The following CDYL variants were observed in gnomAD, a reference collection of about 807,000 sequenced individuals.
CDYL encodes chromodomain Y-like protein.
In CDYL, 8 loss-of-function variants were observed where a neutral mutation model predicts 47.3. The ratio of observed to expected loss-of-function variants is 0.17; its 90% CI spans 0.10 to 0.31. CDYL has a LOEUF of 0.31. Ranked by LOEUF, CDYL falls within the 10% of genes least tolerant of loss-of-function variation. The pLI is 1.00. For missense variants in CDYL, 471 were observed against 701.4 expected (o/e 0.67, Z 3.71); for synonymous variants, 266 against 265.0 (o/e 1.00, Z -0.04).
At chr6:4,953,638 G>A (rs1015766546) in intron 6 of CDYL, among the ~76,000 whole-genome samples, 32 of 152,342 alleles carry the variant, frequency 2.1e-4, no homozygotes, top group Admixed American at 9.1e-4. Context: ...GCGCGGGGCC[G>A]AGGCTGCTCA....
At chr6:4,917,995 C>G (rs1757603900) in intron 2 of CDYL, among the ~76,000 whole-genome samples, 1 of 152,050 alleles carries the variant, frequency 6.6e-6, no homozygotes, top group African/African-American at 2.4e-5. Context: ...ATGTATCTAC[C>G]CAAGATAGTA....
intron 1 of CDYL, among the ~76,000 whole-genome samples, chr6:4,835,361 C>T (rs1303285114): frequency 6.6e-6 from 1 of 152,186 alleles, no homozygotes; most frequent in Non-Finnish European, 1.5e-5. Context: ...GCCTGGGTAT[C>T]AGCAGTGGTG....
intron 1 of CDYL, among the ~76,000 whole-genome samples, chr6:4,782,132 A>T (rs1329099937): frequency 6.6e-6 from 1 of 152,074 alleles, no homozygotes; most frequent in East Asian, 1.9e-4. Context: ...TTCTTTCTGC[A>T]GGCTCCTTGA....
chr6:4,730,878 A>G (rs2127413742), intron 2 of CDYL, among the ~76,000 whole-genome samples: 1 of 152,154 alleles, frequency 6.6e-6, no homozygotes, highest in Non-Finnish European at 1.5e-5. Flanking sequence ...CTCTGCACAC[A>G]TTCCGCCTTG....
At chr6:4,830,393 T>A (rs1760101833) in intron 1 of CDYL, among the ~76,000 whole-genome samples, 1 of 152,178 alleles carries the variant, frequency 6.6e-6, no homozygotes, top group Non-Finnish European at 1.5e-5. Context: ...GCATTGATAG[T>A]TTTCCTTCCC....
chr6:4,821,594 G>A (rs1029585862), intron 1 of CDYL, among the ~76,000 whole-genome samples: 2 of 152,032 alleles, frequency 1.3e-5, no homozygotes, highest in Non-Finnish European at 2.9e-5. Context: ...ATTGGTGGGC[G>A]TGGTGGCATG....
intron 2 of CDYL, among the ~76,000 whole-genome samples, chr6:4,920,957 A>G (rs1359862491): frequency 6.6e-6 from 1 of 151,316 alleles, no homozygotes; most frequent in East Asian, 2.0e-4. Context: ...GTTTGTATGT[A>G]TGTGTGGCTT....
chr6:4,926,415 A>G (rs1163749812), intron 2 of CDYL, among the ~76,000 whole-genome samples: 4 of 152,248 alleles, frequency 2.6e-5, no homozygotes, highest in Non-Finnish European at 5.9e-5. Context: ...ACCAAAGACA[A>G]CAGTGGTCAT....
intron 3 of CDYL, among the ~76,000 whole-genome samples, chr6:4,740,614 A>G (rs1373851914): frequency 2.0e-5 from 3 of 152,178 alleles, no homozygotes; most frequent in Non-Finnish European, 4.4e-5. Flanking sequence ...ATAAATTATC[A>G]GACAAGTGAA....
intron 2 of CDYL, among the ~76,000 whole-genome samples, chr6:4,731,060 C>A (rs375367064): frequency 6.6e-6 from 1 of 152,230 alleles, no homozygotes; most frequent in East Asian, 1.9e-4. Context: ...TTCCTTTGCT[C>A]ATTCCGTAAC....
intron 1 of CDYL, among the ~76,000 whole-genome samples, chr6:4,816,498 CTTTTTTT>C (rs1332068497): frequency 4.7e-5 from 6 of 127,636 alleles, no homozygotes; most frequent in Admixed American, 3.2e-4. Flanking sequence ...TTCTTTCTTT[CTTTTTTT>C]TTTTTTTTTT....
chr6:4,788,645 C>G (rs1758828202), intron 1 of CDYL, among the ~76,000 whole-genome samples: 1 of 151,876 alleles, frequency 6.6e-6, no homozygotes, highest in Non-Finnish European at 1.5e-5. Flanking sequence ...CACCCCTCCC[C>G]CACCATATTC....
intron 1 of CDYL, among the ~76,000 whole-genome samples, chr6:4,847,520 T>G (rs908608879): frequency 6.6e-6 from 1 of 152,242 alleles, no homozygotes; most frequent in East Asian, 1.9e-4. Flanking sequence ...TGCCTGAAAC[T>G]TGTAGTTACT....
At chr6:4,941,356 G>C (rs1758355824) in intron 4 of CDYL, among the ~76,000 whole-genome samples, 1 of 152,158 alleles carries the variant, frequency 6.6e-6, no homozygotes, top group South Asian at 2.1e-4. Flanking sequence ...TTATGGTCCT[G>C]GGAAGTTTCT....
intron 6 of CDYL, 41 bp from the exon 7 acceptor site, chr6:4,953,857 C>T (rs115329155): frequency 1.6e-5 from 25 of 1,593,000 alleles, no homozygotes; most frequent in Middle Eastern, 4.5e-4. Flanking sequence ...CGTGTCTGCC[C>T]GCATGCACCC....
intron 3 of CDYL, among the ~76,000 whole-genome samples, chr6:4,743,961 A>T (rs1488031118): frequency 6.6e-6 from 1 of 152,188 alleles, no homozygotes; most frequent in Non-Finnish European, 1.5e-5. Flanking sequence ...TTTCCTATGT[A>T]GCTTGTGAGA....
chr6:4,853,579 G>C (rs1057408119), intron 1 of CDYL, among the ~76,000 whole-genome samples: 7 of 152,076 alleles, frequency 4.6e-5, no homozygotes, highest in African/African-American at 1.7e-4. Flanking sequence ...TCTCTTCTCA[G>C]CTTCACTGCT....
intron 2 of CDYL, among the ~76,000 whole-genome samples, chr6:4,723,561 A>G (rs112067468): frequency 0.014 from 2,127 of 152,248 alleles, 55 homozygotes; most frequent in African/African-American, 0.048. Flanking sequence ...AGGCTGTCCA[A>G]CCTGAACTCA....
At chr6:4,898,529 C>G (rs1275397658) in intron 2 of CDYL, among the ~76,000 whole-genome samples, 5 of 152,184 alleles carry the variant, frequency 3.3e-5, no homozygotes, top group African/African-American at 1.2e-4. Flanking sequence ...AGCTAGAAAT[C>G]AAACGAGAGG....
Sources: allele counts gnomAD v4.1 joint callset (sites outside exome capture counted in the v4.1 genomes callset), GRCh38; gene constraint gnomAD v4.1.1; transcripts MANE v1.5; gene names NCBI Gene and HGNC (gene_info 2026-07-23, HGNC 2026-07-21).